The following FAM171A1 variants were observed in gnomAD, a reference collection of about 807,000 sequenced individuals.
The protein encoded by FAM171A1 is family with sequence similarity 171 member A1.
Under a neutral mutation model 74.9 loss-of-function variants are expected in FAM171A1, and 23 were observed. That is an observed-to-expected ratio of 0.31 (90% CI 0.22 to 0.44). The LOEUF (loss-of-function observed/expected upper bound fraction) is 0.44, where lower values mean the gene tolerates loss of function less well. FAM171A1 is among the 20% of genes least tolerant of loss of function. The probability of loss-of-function intolerance (pLI) is 1.00; values close to 1 mark genes in which losing one functional copy is unlikely to be tolerated. For synonymous variants in FAM171A1, 527 were observed against 505.7 expected, an observed-to-expected ratio of 1.04 and a Z score of -0.57; for missense variants, 1,162 against 1,159.2, an observed-to-expected ratio of 1.00 and a Z score of -0.03.
At chr10:15,326,293 AG>A (rs988795744) in intron 1 of FAM171A1, among the ~76,000 whole-genome samples, 2 of 152,016 alleles carry the variant, frequency 1.3e-5, no homozygotes, top group Non-Finnish European at 2.9e-5. Context: ...GGTGAGAGGA[AG>A]AGTTTCCCAC....
At position 15,284,025 on chromosome 10, in the gene FAM171A1, G is replaced by C. The variant is rs1835004487; in HGVS notation, c.178C>G (p.Gln60Glu). 2 of 1,614,048 alleles carry C rather than the reference G, an allele frequency of 1.2e-6. No individual in the cohort carries two copies. The highest frequency in any genetic ancestry group is 1.3e-5 in the African/African-American group (1 of 74,936). Residue 60 changes from glutamine to glutamate, a missense_variant, in exon 2 of 8, where the codon CAG becomes GAG. Physicochemically the swap from Gln to Glu is conservative, Grantham distance 29 (BLOSUM62 2). Coordinates refer to ENST00000378116, the MANE Select transcript of FAM171A1 (RefSeq NM_001010924.2). ...GAGGTGCCAGAGGCTATGGAGGCCT[G>C]GTTGGTGAAGATCTCGATGAGCGCA... The part of the protein sequence containing the change: ...ADALIEIFTN[Q>E]ASIASGTSGT...
At chr10:15,324,368 A>G (rs1835524436) in intron 1 of FAM171A1, among the ~76,000 whole-genome samples, 1 of 152,006 alleles carries the variant, frequency 6.6e-6, no homozygotes, top group African/African-American at 2.4e-5. Flanking sequence ...CAAATGACAC[A>G]CTCTTCAGGA....
chr10:15,283,729 T>C, intron 2 of FAM171A1, 149 bp downstream of exon 2: 1 of 718,102 alleles, frequency 1.4e-6, no homozygotes. Flanking sequence ...GGACTACAGG[T>C]GCACACTATG....
At chr10:15,322,059 A>G (rs1049199950) in intron 1 of FAM171A1, among the ~76,000 whole-genome samples, 16 of 152,238 alleles carry the variant, frequency 1.1e-4, no homozygotes, top group Admixed American at 6.5e-5. Context: ...GAACTTGCTC[A>G]CTGTGTCTCC....
intron 1 of FAM171A1, among the ~76,000 whole-genome samples, chr10:15,288,618 G>A (rs983801265): frequency 6.6e-6 from 1 of 152,052 alleles, no homozygotes; most frequent in African/African-American, 2.4e-5. Flanking sequence ...TGAGATTTGA[G>A]GGAAAAGAAG....
intron 5 of FAM171A1, among the ~76,000 whole-genome samples, chr10:15,245,656 G>A (rs1834423260): frequency 6.6e-6 from 1 of 152,230 alleles, no homozygotes; most frequent in African/African-American, 2.4e-5. Context: ...GCCAGTGGGT[G>A]GCAGAGCTGG....
intron 1 of FAM171A1, among the ~76,000 whole-genome samples, chr10:15,284,912 A>G (rs1012462109): frequency 2.0e-5 from 3 of 151,920 alleles, no homozygotes; most frequent in Non-Finnish European, 4.4e-5. Context: ...GAGTAGAACA[A>G]GAGAAGGTTA....
At chr10:15,238,363 C>T (rs935069999) in intron 5 of FAM171A1, among the ~76,000 whole-genome samples, 1 of 152,186 alleles carries the variant, frequency 6.6e-6, no homozygotes, top group African/African-American at 2.4e-5. Context: ...TGATCAATAT[C>T]CCCTACCAGA....
intron 1 of FAM171A1, among the ~76,000 whole-genome samples, chr10:15,312,510 A>G (rs965359830): frequency 2.0e-5 from 3 of 151,580 alleles, no homozygotes; most frequent in Admixed American, 6.6e-5. Context: ...GGGGGGCTCC[A>G]CCTTCTCAGG....
chr10:15,316,438 C>T (rs1262998339), intron 1 of FAM171A1, among the ~76,000 whole-genome samples: 2 of 152,290 alleles, frequency 1.3e-5, no homozygotes, highest in East Asian at 3.9e-4. Flanking sequence ...TGACGGGCTT[C>T]GTGAGACCCT....
chr10:15,254,316 C>T (rs1266795470), intron 4 of FAM171A1, among the ~76,000 whole-genome samples: 1 of 152,136 alleles, frequency 6.6e-6, no homozygotes, highest in Non-Finnish European at 1.5e-5. Flanking sequence ...CAGCCCCACC[C>T]ACCCACAGGC....
At chr10:15,244,619 T>C (rs779841615) in intron 5 of FAM171A1, among the ~76,000 whole-genome samples, 14 of 152,168 alleles carry the variant, frequency 9.2e-5, no homozygotes, top group Non-Finnish European at 1.9e-4. Flanking sequence ...CCAGAAACTG[T>C]TATTGATCAC....
At chr10:15,240,867 C>T in intron 5 of FAM171A1, 2 of 314,868 alleles carry the variant, frequency 6.4e-6, no homozygotes, top group Non-Finnish European at 9.2e-6. Context: ...CAGCAAGACC[C>T]TATCTCTACA....
intron 1 of FAM171A1, among the ~76,000 whole-genome samples, chr10:15,360,383 G>A (rs1835979990): frequency 6.6e-6 from 1 of 152,196 alleles, no homozygotes; most frequent in Admixed American, 6.5e-5. Context: ...GGTAGAAATG[G>A]AAAACTAATG....
chr10:15,264,697 C>CACTTG (rs779144005), intron 3 of FAM171A1, among the ~76,000 whole-genome samples: 5 of 151,776 alleles, frequency 3.3e-5, no homozygotes, highest in African/African-American at 4.8e-5. Flanking sequence ...GTGGGAGGAT[C>CACTTG]ACTTGAGCTG....
intron 1 of FAM171A1, among the ~76,000 whole-genome samples, chr10:15,313,539 T>C (rs1033174643): frequency 3.3e-5 from 5 of 152,200 alleles, no homozygotes; most frequent in African/African-American, 1.2e-4. Context: ...TTTAAAGAGA[T>C]ACTGTAACAA....
At chr10:15,245,104 C>G (rs1362628533) in intron 5 of FAM171A1, among the ~76,000 whole-genome samples, 1 of 151,822 alleles carries the variant, frequency 6.6e-6, no homozygotes, top group African/African-American at 2.4e-5. Context: ...CTCACTCTGT[C>G]ATCCAAGCTG....
chr10:15,248,917 A>C, intron 4 of FAM171A1, 102 bp from the exon 5 acceptor site: 1 of 1,097,830 alleles, frequency 9.1e-7, no homozygotes, highest in Non-Finnish European at 1.3e-6. Context: ...TACCTCCTAT[A>C]TGCCAGGGAC....
chr10:15,232,581 C>T (rs1426697799), intron 5 of FAM171A1, among the ~76,000 whole-genome samples: 5 of 152,022 alleles, frequency 3.3e-5, no homozygotes, highest in Non-Finnish European at 7.4e-5. Flanking sequence ...CATGGGAAAT[C>T]TTCCCATTTT....
Sources: gnomAD v4.1 joint callset for allele counts (sites outside exome capture counted in the v4.1 genomes callset) on GRCh38, gnomAD v4.1.1 for gene constraint, MANE v1.5 for transcripts, NCBI Gene and HGNC (gene_info 2026-07-23, HGNC 2026-07-21) for gene names.